Variants in PRDM11 observed in about 807,000 individuals in gnomAD.
PRDM11 encodes the protein PR/SET domain 11, also known as PR domain-containing protein 11.
PRDM11 carries 20 observed loss-of-function variants against 97.8 expected under a neutral mutation model. That is an observed-to-expected ratio of 0.20 (90% confidence interval 0.14 to 0.30). The LOEUF (loss-of-function observed/expected upper bound fraction) is 0.30. Among genes scored for constraint, PRDM11 ranks in the 10% least tolerant of loss-of-function variants. The pLI is 1.00. For synonymous variants in PRDM11, 599 were observed against 637.7 expected (o/e 0.94, Z 0.91); for missense variants, 1,139 against 1,555.2 (o/e 0.73, Z 4.50).
chr11:45,164,777 CCCT>C (rs1852019817), intron 1 of PRDM11, among the ~76,000 whole-genome samples: 1 of 152,128 alleles, frequency 6.6e-6, no homozygotes, highest in African/African-American at 2.4e-5. Context: ...GCAGAGAGAC[CCCT>C]GAGATCTGCT....
At chr11:45,133,833 C>G (rs1286341738) in intron 1 of PRDM11, among the ~76,000 whole-genome samples, 2 of 152,222 alleles carry the variant, frequency 1.3e-5, no homozygotes, top group Non-Finnish European at 2.9e-5. Flanking sequence ...TACACCCCAG[C>G]TCACGGGTCT....
At chr11:45,197,236 GT>G (rs1341103224) in intron 4 of PRDM11, among the ~76,000 whole-genome samples, 1 of 152,158 alleles carries the variant, frequency 6.6e-6, no homozygotes, top group Non-Finnish European at 1.5e-5. Context: ...GCTAAGTGAA[GT>G]AAGCCAGACA....
At chr11:45,182,616 T>C (rs1311343629) in intron 3 of PRDM11, among the ~76,000 whole-genome samples, 1 of 152,222 alleles carries the variant, frequency 6.6e-6, no homozygotes, top group Non-Finnish European at 1.5e-5. Context: ...GCACTTGGAC[T>C]CCAAAGCCAT....
At chr11:45,117,746 C>CA (rs928353113) in intron 1 of PRDM11, among the ~76,000 whole-genome samples, 55 of 145,398 alleles carry the variant, frequency 3.8e-4, no homozygotes, top group East Asian at 7.9e-4. Flanking sequence ...GATGCCATCT[C>CA]AAAAAAAAAA....
chr11:45,175,518 T>G (rs1852307490), intron 1 of PRDM11, among the ~76,000 whole-genome samples: 1 of 152,268 alleles, frequency 6.6e-6, no homozygotes, highest in South Asian at 2.1e-4. Context: ...TGTTATTTCA[T>G]TGTATGCTAA....
At chr11:45,196,934 T>C (rs1853142549) in intron 4 of PRDM11, among the ~76,000 whole-genome samples, 1 of 152,216 alleles carries the variant, frequency 6.6e-6, no homozygotes, top group Non-Finnish European at 1.5e-5. Context: ...ATGCACAGTC[T>C]AATGGAACAC....
At chr11:45,194,190 G>GT (rs1370597603) in intron 4 of PRDM11, among the ~76,000 whole-genome samples, 1 of 152,180 alleles carries the variant, frequency 6.6e-6, no homozygotes, top group Admixed American at 6.5e-5. Flanking sequence ...CATAAATGCA[G>GT]TACTCTTGCG....
chr11:45,170,977 T>C (rs1852189020), intron 1 of PRDM11, among the ~76,000 whole-genome samples: 1 of 152,240 alleles, frequency 6.6e-6, no homozygotes, highest in Admixed American at 6.5e-5. Flanking sequence ...CATTGGTTGT[T>C]GCCAGTCTTT....
intron 1 of PRDM11, among the ~76,000 whole-genome samples, chr11:45,122,431 C>T (rs1026839037): frequency 2.0e-5 from 3 of 151,342 alleles, no homozygotes; most frequent in Non-Finnish European, 2.9e-5. Flanking sequence ...TGTTGGTGTA[C>T]TGCACCCATT....
intron 1 of PRDM11, among the ~76,000 whole-genome samples, chr11:45,125,954 A>C (rs1852560423): frequency 2.0e-5 from 3 of 152,152 alleles, no homozygotes; most frequent in Admixed American, 2.0e-4. Flanking sequence ...AAAGTCTCCC[A>C]TTATTATTGT....
At chr11:45,194,193 C>T (rs2135767984) in intron 4 of PRDM11, among the ~76,000 whole-genome samples, 1 of 152,294 alleles carries the variant, frequency 6.6e-6, no homozygotes, top group East Asian at 1.9e-4. Flanking sequence ...AAATGCAGTA[C>T]TCTTGCGGGT....
intron 1 of PRDM11, among the ~76,000 whole-genome samples, chr11:45,166,368 A>G (rs1852065773): frequency 1.3e-5 from 2 of 152,204 alleles, no homozygotes; most frequent in Non-Finnish European, 2.9e-5. Flanking sequence ...TTTCCAGCAG[A>G]GTCCCCCAGA....
chr11:45,160,685 A>G (rs1183631368), intron 1 of PRDM11, among the ~76,000 whole-genome samples: 1 of 152,232 alleles, frequency 6.6e-6, no homozygotes, highest in Non-Finnish European at 1.5e-5. Flanking sequence ...ATTTTATTCT[A>G]GTGCCTCCTT....
At chr11:45,128,602 C>T (rs1852643663) in intron 1 of PRDM11, among the ~76,000 whole-genome samples, 1 of 149,058 alleles carries the variant, frequency 6.7e-6, no homozygotes, top group South Asian at 2.1e-4. Context: ...CACAACTTAC[C>T]ATATAAAAAA....
At chr11:45,142,741 C>T (rs1240898740), upstream of PRDM11, among the ~76,000 whole-genome samples, 3 of 152,220 alleles carry the variant, frequency 2.0e-5, no homozygotes, top group Admixed American at 6.5e-5. Flanking sequence ...AAGCCAGTCC[C>T]TCCTTCCTTC....
intron 4 of PRDM11, among the ~76,000 whole-genome samples, chr11:45,184,436 G>T (rs1436515851): frequency 6.6e-6 from 1 of 152,204 alleles, no homozygotes; most frequent in African/African-American, 2.4e-5. Context: ...CTTTCCCCAG[G>T]TAGAGCGTGT....
chr11:45,209,038 G>A (rs747457615), intron 5 of PRDM11: 6 of 456,570 alleles, frequency 1.3e-5, no homozygotes, highest in South Asian at 3.1e-5. Context: ...GGCATAGCCC[G>A]GAAAATCACC....
At chr11:45,116,011 T>C (rs1368225328) in intron 1 of PRDM11, among the ~76,000 whole-genome samples, 1 of 150,946 alleles carries the variant, frequency 6.6e-6, no homozygotes, top group Admixed American at 6.6e-5. Flanking sequence ...AAACAATCAG[T>C]ATCAGCTGAG....
intron 1 of PRDM11, among the ~76,000 whole-genome samples, chr11:45,097,736 C>T (rs1233201317): frequency 1.3e-5 from 2 of 152,206 alleles, no homozygotes; most frequent in East Asian, 1.9e-4. Flanking sequence ...AAGCAGGCTA[C>T]GGAAAGCATG....
Sources: allele counts gnomAD v4.1 joint callset (sites outside exome capture counted in the v4.1 genomes callset), GRCh38; gene constraint gnomAD v4.1.1; transcripts MANE v1.5; gene names NCBI Gene and HGNC (gene_info 2026-07-23, HGNC 2026-07-21).